The following SLC45A4 variants were observed in gnomAD, a reference collection of about 807,000 sequenced individuals.
SLC45A4 encodes solute carrier family 45 member 4.
SLC45A4 carries 32 observed loss-of-function variants against 63.7 expected under a neutral mutation model. That is an observed-to-expected ratio of 0.50 (90% CI 0.38 to 0.67). SLC45A4 has a LOEUF of 0.67. Ranked by LOEUF, SLC45A4 falls within the 30% of genes least tolerant of loss-of-function variation. The pLI is 0.00. For missense variants in SLC45A4, 1,027 were observed against 1,157.7 expected (o/e 0.89, Z 1.64); for synonymous variants, 535 against 510.0 (o/e 1.05, Z -0.66).
At chr8:141,292,100 G>A (rs992066745) in intron 1 of SLC45A4, among the ~76,000 whole-genome samples, 3 of 152,322 alleles carry the variant, frequency 2.0e-5, no homozygotes, top group East Asian at 1.9e-4. Context: ...CAGACCTCAC[G>A]GCCCTACTCC....
At chr8:141,262,034 A>AT (rs1829058630) in intron 1 of SLC45A4, among the ~76,000 whole-genome samples, 1 of 152,238 alleles carries the variant, frequency 6.6e-6, no homozygotes, top group Non-Finnish European at 1.5e-5. Flanking sequence ...GATCAATGGA[A>AT]CAGAACAGAG....
At chr8:141,213,674 G>C (rs1825969407) in intron 7 of SLC45A4, among the ~76,000 whole-genome samples, 5 of 152,248 alleles carry the variant, frequency 3.3e-5, no homozygotes, top group Non-Finnish European at 7.3e-5. Context: ...GAAGGCAGGA[G>C]ACAGCAAAGG....
intron 1 of SLC45A4, among the ~76,000 whole-genome samples, chr8:141,294,118 GC>G (rs1257550371): frequency 2.0e-5 from 3 of 152,162 alleles, no homozygotes; most frequent in Non-Finnish European, 4.4e-5. Context: ...TGAGTCCGTG[GC>G]CCAGGATCTC....
chr8:141,252,688 T>C (rs1828540471), intron 2 of SLC45A4: 1 of 135,950 alleles, frequency 7.4e-6, no homozygotes. Flanking sequence ...TGTGCGTCTG[T>C]GAATTTCCGT....
At chr8:141,277,621 T>A (rs1763421137) in intron 1 of SLC45A4, among the ~76,000 whole-genome samples, 1 of 151,790 alleles carries the variant, frequency 6.6e-6, no homozygotes, top group African/African-American at 2.4e-5. Context: ...AAAAAAAAAA[T>A]CTTCAAATTG....
intron 2 of SLC45A4, among the ~76,000 whole-genome samples, chr8:141,242,992 TG>T (rs1569558588): frequency 6.6e-6 from 1 of 152,074 alleles, no homozygotes; most frequent in Non-Finnish European, 1.5e-5. Flanking sequence ...ATCTACCGGG[TG>T]GTGACAGAGA....
intron 1 of SLC45A4, among the ~76,000 whole-genome samples, chr8:141,273,014 A>G (rs1829598251): frequency 6.6e-6 from 1 of 152,246 alleles, no homozygotes; most frequent in Non-Finnish European, 1.5e-5. Flanking sequence ...ACAAACTGTT[A>G]CCTAAATGTC....
At chr8:141,252,550 T>C (rs1420989483) in intron 2 of SLC45A4, 1 of 133,162 alleles carries the variant, frequency 7.5e-6, no homozygotes. Context: ...CGTCTGTGAA[T>C]TTCCGTGTTT....
intron 2 of SLC45A4, among the ~76,000 whole-genome samples, chr8:141,242,661 A>T (rs1827970415): frequency 1.3e-5 from 2 of 152,218 alleles, no homozygotes; most frequent in Non-Finnish European, 2.9e-5. Context: ...ACCCTGGACA[A>T]GTCGCTGAGT....
At chr8:141,301,228 C>A (rs573237029) in intron 1 of SLC45A4, among the ~76,000 whole-genome samples, 275 of 152,280 alleles carry the variant, frequency 1.8e-3, no homozygotes, top group Admixed American at 2.9e-3. Flanking sequence ...AATTAAGGCA[C>A]CTTAAACGGG....
intron 2 of SLC45A4, among the ~76,000 whole-genome samples, chr8:141,238,735 T>C (rs753771808): frequency 5.9e-5 from 9 of 151,808 alleles, no homozygotes; most frequent in Non-Finnish European, 1.3e-4. Flanking sequence ...AGCCCTTGAG[T>C]ATAGATTTAC....
intron 2 of SLC45A4, chr8:141,225,041 G>A (rs1238908938): frequency 6.6e-6 from 1 of 152,106 alleles, no homozygotes; most frequent in African/African-American, 2.4e-5. Context: ...TTCTCTGCTG[G>A]GACTCTGTGC....
In SLC45A4 at chr8:141,215,052, T is replaced by C. The variant is rs1826056041; in HGVS notation, c.1941+707A>G. On this transcript the variant is annotated intron_variant, in intron 7 of 8. Transcript: ENST00000517878. The surrounding 1 kb of genome is among the most constrained non-coding windows in gnomAD (Gnocchi z 4.3). Reference sequence around the variant, plus strand: ...AAGCAGGGTGCATCTGGCCATACACTGTGACATGAAAAGGCTGGCCGTGCT... The same window carrying C: ...AAGCAGGGTGCATCTGGCCATACACCGTGACATGAAAAGGCTGGCCGTGCT... Among the ~76,000 whole-genome samples, 1 of 152,164 alleles carries C rather than the reference T, an allele frequency of 6.6e-6. No individual in the cohort carries two copies. Among genetic ancestry groups the C allele is most frequent in the Non-Finnish European group, 1.5e-5 (1 of 68,026 alleles).
At position 141,210,122 on chromosome 8, in the gene SLC45A4, C is replaced by T. The variant is rs1477380059; in HGVS notation, c.*1450G>A. ...GAGAAGCCGGAGAAACCAGCTAAGACGGGAGCTGCGCCTCGAGATCCTGAC... is the reference window on the plus strand; with the variant it reads ...GAGAAGCCGGAGAAACCAGCTAAGATGGGAGCTGCGCCTCGAGATCCTGAC... On this transcript the variant is annotated 3_prime_UTR_variant, in exon 9 of 9. Coordinates refer to ENST00000517878, the MANE Select transcript of SLC45A4 (RefSeq NM_001286646.2). The T allele has an allele frequency of 6.6e-5, 10 of 152,386 alleles. No homozygotes were observed. The highest frequency in any genetic ancestry group is 9.6e-5 in the African/African-American group (4 of 41,590). The allele number at this position is 152,386 out of a possible 1,614,324, so 9.4% of individuals were successfully genotyped here. A position where few individuals can be genotyped will look rare whatever the true frequency, so the allele number is the denominator to read the frequency against.
intron 7 of SLC45A4, 150 bp from the exon 8 acceptor site, chr8:141,212,706 AT>A: frequency 1.1e-6 from 1 of 930,112 alleles, no homozygotes; most frequent in Middle Eastern, 2.9e-4. Flanking sequence ...AGCACCCTCA[AT>A]CCCCCAGCTC....
In SLC45A4 at chr8:141,210,346, C is replaced by G. The variant is rs897142231; in HGVS notation, c.*1226G>C. On this transcript the variant is annotated 3_prime_UTR_variant, in exon 9 of 9. Coordinates refer to ENST00000517878, the MANE Select transcript of SLC45A4 (RefSeq NM_001286646.2). The stretch of plus-strand genomic sequence containing the variant: ...CTCGCAGCAAAGCTGGCAGCACTTT[C>G]AGTAGTCGGACTTGCCCTGTCCAAG... 3 of 152,300 alleles carry G rather than the reference C, an allele frequency of 2.0e-5. No individual in the cohort carries two copies. The highest frequency in any genetic ancestry group is 4.4e-5 in the Non-Finnish European group (3 of 68,068). 9.4% of individuals were successfully genotyped at this position (152,300 alleles called of 1,614,324 possible). A position where few individuals can be genotyped will look rare whatever the true frequency, so the allele number is the denominator to read the frequency against.
At chr8:141,300,803 C>T (rs1589868236) in intron 1 of SLC45A4, among the ~76,000 whole-genome samples, 1 of 152,380 alleles carries the variant, frequency 6.6e-6, no homozygotes, top group Non-Finnish European at 1.5e-5. Context: ...AATGCCGCAG[C>T]GTGCTTACTC....
At position 141,256,224 on chromosome 8, in the gene SLC45A4, T is replaced by C. The variant is rs1828767744; in HGVS notation, c.-400-1595A>G. 6.6e-6 allele frequency among the ~76,000 whole-genome samples: 1 copy of C among 152,222 alleles called. No individual in the cohort carries two copies. The highest frequency in any genetic ancestry group is 1.5e-5 in the Non-Finnish European group (1 of 68,036). On this transcript the variant is annotated intron_variant, in intron 1 of 8. Coordinates refer to ENST00000517878, the MANE Select transcript of SLC45A4 (RefSeq NM_001286646.2). This position sits in a 1 kb window ranked among gnomAD's most constrained non-coding sequence, Gnocchi z 4.3. ...TGGAACACCCCAAGTTCAGGACTTC[T>C]GGAGTTAGGTCTCCAGACATGGGGT...
In SLC45A4 at chr8:141,221,599, A is replaced by T; in HGVS notation, c.408T>A (p.Leu136=). 6.2e-7 allele frequency: 1 copy of T among 1,613,254 alleles called. No individual in the cohort carries two copies. Among genetic ancestry groups the T allele is most frequent in the Non-Finnish European group, 8.5e-7 (1 of 1,179,890 alleles). The part of the protein sequence containing the change: ...LCVGVLFGVA[L]FLNGSAIGLA... ...TACCGATGGCAGAGCCGTTAAGGAAAAGTGCAACGCCAAAGAGGACGCCAA... is the reference window on the plus strand; with the variant it reads ...TACCGATGGCAGAGCCGTTAAGGAATAGTGCAACGCCAAAGAGGACGCCAA... Residue 136 remains leucine (L), a synonymous_variant, in exon 3 of 9, where the codon CTT becomes CTA. Coordinates refer to ENST00000517878, the MANE Select transcript of SLC45A4 (RefSeq NM_001286646.2).
Sources: gnomAD v4.1 joint callset for allele counts (sites outside exome capture counted in the v4.1 genomes callset) on GRCh38, gnomAD v4.1.1 for gene constraint, Gnocchi (gnomAD v3.1) non-coding constraint, MANE v1.5 for transcripts, NCBI Gene and HGNC (gene_info 2026-07-23, HGNC 2026-07-21) for gene names.